MTOR: variants seen among roughly 807,000 people sequenced by gnomAD.
MTOR encodes the protein mechanistic target of rapamycin kinase.
Under a neutral mutation model 319.8 loss-of-function variants are expected in MTOR, and 70 were observed. The observed-to-expected ratio is 0.22, with a 90% CI of 0.18 to 0.27. MTOR has a LOEUF of 0.27. Among genes scored for constraint, MTOR ranks in the 10% least tolerant of loss-of-function variants. The pLI, the probability that MTOR is intolerant of heterozygous loss-of-function variation, is 1.00. For missense variants in MTOR, 1,890 were observed against 3,274.4 expected (o/e 0.58, Z 10.32); for synonymous variants, 1,183 against 1,211.4 (o/e 0.98, Z 0.49).
In MTOR at chr1:11,204,711, C is replaced by A. The variant is rs546427418; in HGVS notation, c.3802-8G>T. ...CCTGGCAGCGCCCCAGGCCTGTGAT[C>A]CCACAGGTGACAATGGAAAACAATC... On this transcript the variant is annotated splice_region_variant and splice_polypyrimidine_tract_variant and intron_variant, in intron 25 of 57. Transcript: ENST00000361445. 73 of 1,612,856 alleles carry A rather than the reference C, an allele frequency of 4.5e-5. No homozygotes were observed. The highest frequency in any genetic ancestry group is 6.2e-5 in the Non-Finnish European group (73 of 1,179,428).
intron 45 of MTOR, 107 bp from the exon 46 acceptor site, chr1:11,126,903 C>A: frequency 6.3e-7 from 1 of 1,575,258 alleles, no homozygotes; most frequent in Non-Finnish European, 8.6e-7. Context: ...TGTCCCAAAG[C>A]AGAAGTAAAA....
chr1:11,144,256 C>CCCAGG (rs1319635434), intron 34 of MTOR, among the ~76,000 whole-genome samples: 1 of 152,044 alleles, frequency 6.6e-6, no homozygotes, highest in Non-Finnish European at 1.5e-5. Flanking sequence ...TGAGTCTCTC[C>CCCAGG]CCAGAAATTT....
chr1:11,115,678 C>CAGTATGAGCTG lies in MTOR; in HGVS notation c.7017-211_7017-210insCAGCTCATACT, dbSNP rs1375740265. 3.7e-6 allele frequency: 2 copies of CAGTATGAGCTG among 534,226 alleles called. No individual in the cohort carries two copies. Among genetic ancestry groups the CAGTATGAGCTG allele is most frequent in the Non-Finnish European group, 6.8e-6 (2 of 293,756 alleles). 33.1% of individuals were successfully genotyped at this position (534,226 alleles called of 1,614,324 possible). A position where few individuals can be genotyped will look rare whatever the true frequency, so the allele number is the denominator to read the frequency against. ...ACTGTTCCAGGCTGCTTCCATGCTA[C>CAGTATGAGCTG]GACAGCAGAGCTGACTAGTTGTGAC... On this transcript the variant is annotated intron_variant, in intron 50 of 57. Transcript: ENST00000361445. This position sits in a 1 kb window ranked among gnomAD's most constrained non-coding sequence, Gnocchi z 4.5.
Position 11,129,046 on chromosome 1 carries a change from G to A in MTOR, c.5715-95C>T. On this transcript the variant is annotated intron_variant, in intron 40 of 57. Coordinates refer to ENST00000361445, the MANE Select transcript of MTOR (RefSeq NM_004958.4). This position sits in a 1 kb window ranked among gnomAD's most constrained non-coding sequence, Gnocchi z 4.7. ...AAGGCTCCTGAGAAGAGAGCTGGCA[G>A]GGACTCCAACCAGTAACTCTCAAAT... 3.0e-6 allele frequency: 3 copies of A among 1,008,676 alleles called. No homozygotes were observed. Among genetic ancestry groups the A allele is most frequent in the Non-Finnish European group, 4.5e-6 (3 of 664,122 alleles). The allele number at this position is 1,008,676 out of a possible 1,614,324, so 62.5% of individuals were successfully genotyped here.
chr1:11,196,299 G>C (rs1437946762), intron 28 of MTOR, among the ~76,000 whole-genome samples: 1 of 152,198 alleles, frequency 6.6e-6, no homozygotes, highest in Non-Finnish European at 1.5e-5. Flanking sequence ...CCAAGTAAAA[G>C]TGGTGTGTGT....
rs12117208 is a variant in MTOR at position 11,107,676 on chromosome 1, C to G, written c.7635-176G>C. The stretch of plus-strand genomic sequence containing the variant: ...ATTTCCAGTCAAGGCTAATGCCCAC[C>G]GAGGTCCCGCAAGGACACTTCCCCA... On this transcript the variant is annotated intron_variant, in intron 57 of 57. Transcript: ENST00000361445. 1.5e-3 allele frequency among the ~76,000 whole-genome samples: 222 copies of G among 152,288 alleles called. 2 individuals carry two copies. Among genetic ancestry groups the G allele is most frequent in the Non-Finnish European group, 2.2e-3 (150 of 68,010 alleles).
intron 8 of MTOR, among the ~76,000 whole-genome samples, 194 bp downstream of exon 8, chr1:11,247,431 T>C (rs1188358643): frequency 6.6e-6 from 1 of 152,240 alleles, no homozygotes; most frequent in African/African-American, 2.4e-5. Context: ...TGCCTCTCTG[T>C]TCTGATTGTT....
chr1:11,135,746 T>C (rs979595694), intron 36 of MTOR, among the ~76,000 whole-genome samples: 10 of 151,526 alleles, frequency 6.6e-5, no homozygotes, highest in African/African-American at 2.2e-4. Flanking sequence ...GGCAGGAGAA[T>C]TGTTTGAACC....
chr1:11,126,941 C>T (rs1254973298), intron 45 of MTOR, 69 bp downstream of exon 45: 2 of 1,591,034 alleles, frequency 1.3e-6, no homozygotes, highest in African/African-American at 1.3e-5. Flanking sequence ...AGTGTTAGAA[C>T]ATTCATAGAC....
chr1:11,172,840 C>A (rs377439230), intron 28 of MTOR, among the ~76,000 whole-genome samples: 2 of 125,946 alleles, frequency 1.6e-5, no homozygotes, highest in Non-Finnish European at 3.2e-5. Context: ...CCAGCCTGAG[C>A]GAAAAAAGCA....
chr1:11,209,773 C>T (rs745469131), intron 24 of MTOR, among the ~76,000 whole-genome samples: 1 of 152,174 alleles, frequency 6.6e-6, no homozygotes, highest in Non-Finnish European at 1.5e-5. Context: ...GGCAAACAGC[C>T]CCCATCCCCT....
At chr1:11,196,826 T>C (rs1029528376) in intron 28 of MTOR, among the ~76,000 whole-genome samples, 5 of 148,442 alleles carry the variant, frequency 3.4e-5, no homozygotes, top group Non-Finnish European at 7.4e-5. Context: ...CACTCCAGCC[T>C]GGAGACAGAG....
intron 46 of MTOR, 49 bp from the exon 47 acceptor site, chr1:11,124,682 C>G (rs1642729580): frequency 6.4e-7 from 1 of 1,570,782 alleles, no homozygotes; most frequent in African/African-American, 1.3e-5. Context: ...GTCCTCAGCT[C>G]TTCAGCTGAG....
chr1:11,260,022 C>T (rs1396603265), intron 1 of MTOR, among the ~76,000 whole-genome samples: 3 of 152,300 alleles, frequency 2.0e-5, no homozygotes, highest in East Asian at 3.9e-4. Flanking sequence ...GATGTGAGAA[C>T]TAAATGACTT....
intron 30 of MTOR, among the ~76,000 whole-genome samples, chr1:11,155,959 G>A (rs1644306123): frequency 6.6e-6 from 1 of 152,108 alleles, no homozygotes; most frequent in Non-Finnish European, 1.5e-5. Flanking sequence ...GAGGTAGCAT[G>A]GAACTTTGTT....
intron 46 of MTOR, among the ~76,000 whole-genome samples, chr1:11,125,344 C>A (rs1315405013): frequency 6.6e-6 from 1 of 152,172 alleles, no homozygotes; most frequent in African/African-American, 2.4e-5. Flanking sequence ...TATCAGAAGA[C>A]AACAGCTCAT....
In MTOR at chr1:11,212,854, G is replaced by A. The variant is rs373499545; in HGVS notation, c.3340C>T (p.Leu1114=). ...AACAACTTAACAATAGGAGGCAGCA[G>A]TAAATGCAGGTAGTCATCCAGGTTG... is the stretch of plus-strand genomic sequence containing the variant. ...GANLDDYLHL[L]LPPIVKLFDA... The change falls in exon 22 of 58, where the codon CTG becomes TTG. Residue 1114 remains leucine (L), a synonymous_variant. Transcript: ENST00000361445. This position sits in a 1 kb window ranked among gnomAD's most constrained non-coding sequence, Gnocchi z 4.1. 9.3e-6 allele frequency: 15 copies of A among 1,614,080 alleles called. No homozygotes were observed. The East Asian group carries it at 2.9e-4, about 31-fold the overall frequency.
At chr1:11,252,029 T>C (rs1253316199) in intron 6 of MTOR, among the ~76,000 whole-genome samples, 1 of 152,112 alleles carries the variant, frequency 6.6e-6, no homozygotes, top group African/African-American at 2.4e-5. Flanking sequence ...TTCACACACA[T>C]AGTCATCCCC....
chr1:11,194,328 A>G, intron 28 of MTOR: 1 of 840,632 alleles, frequency 1.2e-6, no homozygotes, highest in Non-Finnish European at 1.9e-6. Context: ...GAGGTAAACA[A>G]GTAATAAAGT....
Sources: gnomAD v4.1 joint callset for allele counts (sites outside exome capture counted in the v4.1 genomes callset) on GRCh38, gnomAD v4.1.1 for gene constraint, Gnocchi (gnomAD v3.1) non-coding constraint, MANE v1.5 for transcripts, NCBI Gene and HGNC (gene_info 2026-07-23, HGNC 2026-07-21) for gene names.